The following COL9A3 variants were observed in gnomAD, a reference collection of about 807,000 sequenced individuals.
The protein encoded by COL9A3 is collagen type IX alpha 3 chain, also known as collagen alpha-3(IX) chain.
Under a neutral mutation model 110.2 loss-of-function variants are expected in COL9A3, and 82 were observed. That is an observed-to-expected ratio of 0.74 (90% CI 0.62 to 0.89). COL9A3 has a LOEUF of 0.89. Ranked by LOEUF, COL9A3 falls within the 40% of genes least tolerant of loss-of-function variation. COL9A3 has a pLI of 0.00. For missense variants in COL9A3, 1,066 were observed against 981.3 expected, an observed-to-expected ratio of 1.09 and a Z score of -1.15; for synonymous variants, 494 against 403.8, an observed-to-expected ratio of 1.22 and a Z score of -2.68.
chr20:62,836,451 C>A (rs754116485), intron 28 of COL9A3, 27 bp from the exon 29 acceptor site: 1 of 1,613,656 alleles, frequency 6.2e-7, no homozygotes, highest in Non-Finnish European at 8.5e-7. Context: ...CGCCCCCATG[C>A]TGACGAATGT....
intron 16 of COL9A3, among the ~76,000 whole-genome samples, chr20:62,827,590 C>T (rs1290010574): frequency 1.3e-5 from 2 of 152,192 alleles, no homozygotes; most frequent in South Asian, 2.1e-4. Context: ...AAACGGCTCT[C>T]GGGTTGAGCA....
chr20:62,817,032 GC>G, upstream of COL9A3: 1 of 1,195,920 alleles, frequency 8.4e-7, no homozygotes. Flanking sequence ...CGCGCCGCCC[GC>G]CCCGACGCCG....
intron 26 of COL9A3, among the ~76,000 whole-genome samples, chr20:62,833,435 A>G (rs962864528): frequency 2.6e-5 from 4 of 151,912 alleles, no homozygotes; most frequent in Non-Finnish European, 4.4e-5. Flanking sequence ...GACGAGTCTC[A>G]CTCTGTCACC....
intron 31 of COL9A3, among the ~76,000 whole-genome samples, chr20:62,840,278 C>T (rs552363244): frequency 6.6e-6 from 1 of 151,762 alleles, no homozygotes; most frequent in Non-Finnish European, 1.5e-5. Flanking sequence ...ACCAAACCCG[C>T]GTAAGTCAGA....
intron 14 of COL9A3, 95 bp downstream of exon 14, chr20:62,826,352 CTGA>C: frequency 8.4e-7 from 1 of 1,195,476 alleles, no homozygotes; most frequent in Admixed American, 2.1e-5. Flanking sequence ...GAGTGACACT[CTGA>C]AGCAGCCGGC....
chr20:62,830,550 C>G lies in COL9A3; in HGVS notation c.1249C>G (p.Pro417Ala), dbSNP rs1555824129. Residue 417 changes from proline to alanine, a missense_variant, in exon 24 of 32, where the codon CCA becomes GCA. By Grantham distance (27) the Pro-to-Ala change is conservative. Transcript: ENST00000649368. ...GGGCAGCATGGGAGACCCCGGCCTT[C>G]CAGGCCCCCAGGGCCTCCGAGGTGA... Reference protein sequence around the residue: ...QKGSMGDPGLPGPQGLRGDVG... With the variant: ...QKGSMGDPGLAGPQGLRGDVG... 6.2e-7 allele frequency: 1 copy of G among 1,607,644 alleles called. No homozygotes were observed. The highest frequency in any genetic ancestry group is 8.5e-7 in the Non-Finnish European group (1 of 1,178,092).
At chr20:62,820,304 A>G (rs1282244142) in intron 5 of COL9A3, among the ~76,000 whole-genome samples, 7 of 151,960 alleles carry the variant, frequency 4.6e-5, no homozygotes, top group Non-Finnish European at 7.4e-5. Flanking sequence ...GCAGACCACC[A>G]CCAGGGACCC....
Position 62,819,467 on chromosome 20 carries a change from C to T in COL9A3, c.255+174C>T, listed in dbSNP as rs543455171. 2.6e-5 allele frequency among the ~76,000 whole-genome samples: 4 copies of T among 152,358 alleles called. No homozygotes were observed. In the East Asian group the frequency reaches 7.7e-4, roughly 29 times the overall value. On this transcript the variant is annotated intron_variant, in intron 4 of 31. Transcript: ENST00000649368. ...CTTTGGCCTTCATCCCAGACGCCAC[C>T]AGCATCTGGCAGGGGACAGAGCCAG... is the stretch of plus-strand genomic sequence containing the variant.
At chr20:62,828,046 T>C in intron 17 of COL9A3, 70 bp downstream of exon 17, 1 of 1,532,272 alleles carries the variant, frequency 6.5e-7, no homozygotes, top group Non-Finnish European at 9.0e-7. Context: ...GGAGATGGCA[T>C]TCAGAAGGGC....
Position 62,828,828 on chromosome 20 carries a change from G to T in COL9A3, c.954+11G>T, listed in dbSNP as rs1365215325. 2 of 1,612,988 alleles carry T rather than the reference G, an allele frequency of 1.2e-6. No homozygotes were observed. Among genetic ancestry groups the T allele is most frequent in the South Asian group, 2.2e-5 (2 of 91,092 alleles). ...CTCGATGGCCAGAAGGTTGGCATGGGGCTCAGGGTGTGACGGGAGGGAGGG... is the reference window on the plus strand; with the variant it reads ...CTCGATGGCCAGAAGGTTGGCATGGTGCTCAGGGTGTGACGGGAGGGAGGG... On this transcript the variant is annotated intron_variant, in intron 18 of 31. Transcript: ENST00000649368.
chr20:62,821,229 T>C lies in COL9A3; in HGVS notation c.345+13T>C, dbSNP rs2147199783. On this transcript the variant is annotated intron_variant, in intron 6 of 31. Transcript: ENST00000649368. Reference sequence around the variant, plus strand: ...GCCCGGGCTGGGGGTGAGTATGGAGTGTGGTCCTCTCCTCTCCATGGGAGT... The same window carrying C: ...GCCCGGGCTGGGGGTGAGTATGGAGCGTGGTCCTCTCCTCTCCATGGGAGT... 6.2e-7 allele frequency: 1 copy of C among 1,611,782 alleles called. No individual in the cohort carries two copies. Among genetic ancestry groups the C allele is most frequent in the South Asian group, 1.1e-5 (1 of 90,934 alleles).
At chr20:62,821,646 C>T (rs1475722866) in intron 7 of COL9A3, 111 bp from the exon 8 acceptor site, 2 of 1,549,176 alleles carry the variant, frequency 1.3e-6, no homozygotes, top group Non-Finnish European at 1.8e-6. Flanking sequence ...AGCCATCTGA[C>T]CACCCCATAC....
chr20:62,839,097 C>T (rs938874015), intron 31 of COL9A3, among the ~76,000 whole-genome samples: 17 of 151,952 alleles, frequency 1.1e-4, no homozygotes, highest in Admixed American at 7.2e-4. Context: ...TGGTGGCGGG[C>T]GCCTGTAATC....
chr20:62,838,284 C>T (rs757867196), intron 30 of COL9A3, among the ~76,000 whole-genome samples: 6 of 152,196 alleles, frequency 3.9e-5, no homozygotes, highest in South Asian at 4.1e-4. Context: ...ACCCCTGGGC[C>T]GTGTGCCAGA....
At chr20:62,821,916 C>T in intron 8 of COL9A3, 106 bp downstream of exon 8, 1 of 784,360 alleles carries the variant, frequency 1.3e-6, no homozygotes, top group South Asian at 1.4e-5. Context: ...CCTTTCTCCC[C>T]CAACCCCACC....
chr20:62,837,156 T>C lies in COL9A3; in HGVS notation c.1677T>C (p.Ala559=), dbSNP rs1257442097. 14 of 1,613,040 alleles carry C rather than the reference T, an allele frequency of 8.7e-6. No homozygotes were observed. Among genetic ancestry groups the C allele is most frequent in the Non-Finnish European group, 1.1e-5 (13 of 1,179,938 alleles). Reference sequence around the variant, plus strand: ...GGTCCATTGGTCGGCCCGGTCCAGCTGGCCCCCCTGGGCCCCCAGGACCCC... The same window carrying C: ...GGTCCATTGGTCGGCCCGGTCCAGCCGGCCCCCCTGGGCCCCCAGGACCCC... ...APGSIGRPGP[A]GPPGPPGPPG... The change falls in exon 30 of 32, where the codon GCT becomes GCC. Residue 559 remains alanine (A), a synonymous_variant. Coordinates refer to ENST00000649368, the MANE Select transcript of COL9A3 (RefSeq NM_001853.4).
chr20:62,819,116 G>T, intron 3 of COL9A3, 106 bp from the exon 4 acceptor site: 2 of 1,132,860 alleles, frequency 1.8e-6, no homozygotes, highest in East Asian at 2.4e-5. Context: ...GGCCCATCCC[G>T]TATGGTTGGG....
In COL9A3 at chr20:62,832,109, G is replaced by A. The variant is rs751478589; in HGVS notation, c.1288-45G>A. 2.5e-6 allele frequency: 4 copies of A among 1,592,608 alleles called. No homozygotes were observed. The South Asian group carries it at 4.4e-5, about 18-fold the overall frequency. Reference sequence around the variant, plus strand: ...GGGCCCAGGGCAGGCTCACTTTAGGGATTCCTGCCATTCCTCTAATCCAGA... The same window carrying A: ...GGGCCCAGGGCAGGCTCACTTTAGGAATTCCTGCCATTCCTCTAATCCAGA... On this transcript the variant is annotated intron_variant, in intron 24 of 31. Transcript: ENST00000649368.
chr20:62,818,497 T>C (rs748832180), intron 2 of COL9A3, 21 bp from the exon 3 acceptor site: 1 of 1,611,894 alleles, frequency 6.2e-7, no homozygotes, highest in Non-Finnish European at 8.5e-7. Flanking sequence ...CAGGGTTACA[T>C]GTGGGTGTCT....
Sources: gnomAD v4.1 joint callset for allele counts (sites outside exome capture counted in the v4.1 genomes callset) on GRCh38, gnomAD v4.1.1 for gene constraint, MANE v1.5 for transcripts, NCBI Gene and HGNC (gene_info 2026-07-23, HGNC 2026-07-21) for gene names.